SPATA24: variants seen among roughly 807,000 people sequenced by gnomAD.
SPATA24 encodes the protein spermatogenesis associated 24.
SPATA24 carries 21 observed loss-of-function variants against 28.9 expected under a neutral mutation model. The observed-to-expected ratio is 0.73, with a 90% CI of 0.52 to 1.05. The LOEUF (loss-of-function observed/expected upper bound fraction) is 1.05, where lower values mean the gene tolerates loss of function less well. Among genes scored for constraint, SPATA24 ranks in the 50% least tolerant of loss-of-function variants. The pLI is 0.00. For missense variants in SPATA24, 215 were observed against 242.9 expected, an observed-to-expected ratio of 0.88 and a Z score of 0.76; for synonymous variants, 76 against 89.9, an observed-to-expected ratio of 0.85 and a Z score of 0.88.
At chr5:139,397,262 A>G in intron 4 of SPATA24, 119 bp from the exon 5 acceptor site, 3 of 683,780 alleles carry the variant, frequency 4.4e-6, no homozygotes, top group Non-Finnish European at 7.7e-6. Context: ...GTTCTCCATG[A>G]AGAACTGCTA....
downstream of SPATA24, chr5:139,395,505 C>T (rs1031249592): frequency 1.7e-5 from 3 of 171,812 alleles, no homozygotes; most frequent in East Asian, 4.7e-4. Flanking sequence ...ACCTTCAGGC[C>T]AGGAGACTCA....
At chr5:139,403,684 G>A (rs1357668039) in intron 1 of SPATA24, among the ~76,000 whole-genome samples, 1 of 152,202 alleles carries the variant, frequency 6.6e-6, no homozygotes, top group Non-Finnish European at 1.5e-5. Context: ...GGAAACTGAG[G>A]CTCAGGGACT....
chr5:139,393,065 G>C (rs1179383514), downstream of SPATA24: 2 of 1,529,306 alleles, frequency 1.3e-6, no homozygotes, highest in Non-Finnish European at 8.8e-7. Context: ...GGGGCGGGGG[G>C]CCCCAGTGCT....
At chr5:139,393,555 A>AT, downstream of SPATA24, 1 of 1,551,136 alleles carries the variant, frequency 6.4e-7, no homozygotes, top group Non-Finnish European at 8.7e-7. Flanking sequence ...TTCCAATAGG[A>AT]CGATCTGGAG....
chr5:139,392,561 C>A, downstream of SPATA24: 1 of 1,351,328 alleles, frequency 7.4e-7, no homozygotes, highest in Non-Finnish European at 9.5e-7. The surrounding 1 kb of genome is among the most constrained non-coding windows in gnomAD (Gnocchi z 5.8). Flanking sequence ...CCCGCCAACG[C>A]CAGGGGCTCC....
downstream of SPATA24, chr5:139,395,155 G>A (rs999832354): frequency 2.3e-6 from 3 of 1,321,172 alleles, no homozygotes; most frequent in African/African-American, 3.1e-5. Flanking sequence ...TCCCCGCCCC[G>A]CCCGAGGATG....
At chr5:139,394,373 G>C, downstream of SPATA24, 2 of 1,409,678 alleles carry the variant, frequency 1.4e-6, no homozygotes, top group South Asian at 3.1e-5. Context: ...GACTCGTCCA[G>C]GGAACCGGTG....
At chr5:139,394,568 C>G, downstream of SPATA24, 2 of 1,523,928 alleles carry the variant, frequency 1.3e-6, no homozygotes, top group Non-Finnish European at 1.8e-6. Context: ...GGCCGCAGCT[C>G]TAGGTAGGTG....
downstream of SPATA24, chr5:139,394,381 G>C: frequency 7.1e-7 from 1 of 1,401,078 alleles, no homozygotes; most frequent in South Asian, 1.6e-5. Context: ...CAGGGAACCG[G>C]TGCGCAGGAG....
chr5:139,395,365 T>C (rs1280926384), downstream of SPATA24: 3 of 363,094 alleles, frequency 8.3e-6, no homozygotes, highest in Non-Finnish European at 9.8e-6. Flanking sequence ...CAGGCCCAAC[T>C]TTCAAAGCCT....
chr5:139,400,281 T>G (rs541647988), intron 4 of SPATA24, among the ~76,000 whole-genome samples: 39 of 151,270 alleles, frequency 2.6e-4, no homozygotes, highest in Non-Finnish European at 4.1e-4. Flanking sequence ...AAGCAGATGT[T>G]GTGCCTGGAA....
chr5:139,397,025 G>C lies in SPATA24; in HGVS notation c.488+16C>G, dbSNP rs1037416150. On this transcript the variant is annotated intron_variant, in intron 5 of 5. Transcript: ENST00000450845. ...CAGTGTCATCAACAACCCCCAGCCGGGCCCAGACCCCTCACCTGAAGATCT... is the reference window on the plus strand; with the variant it reads ...CAGTGTCATCAACAACCCCCAGCCGCGCCCAGACCCCTCACCTGAAGATCT... The C allele has an allele frequency of 4.3e-5, 66 of 1,551,498 alleles. No individual in the cohort carries two copies. The highest frequency in any genetic ancestry group is 5.4e-5 in the Non-Finnish European group (62 of 1,146,966).
Position 139,401,939 on chromosome 5 carries a change from T to G in SPATA24, c.290A>C (p.Lys97Thr). 6.4e-7 allele frequency: 1 copy of G among 1,551,846 alleles called. No individual in the cohort carries two copies. Residue 97 changes from lysine to threonine, a missense_variant, in exon 3 of 6, where the codon AAA becomes ACA. Coordinates refer to ENST00000450845, the MANE Select transcript of SPATA24 (RefSeq NM_194296.2). ...CGCTTTTTCAAAGGCCAGCTTCTCTTTCTCCAGCTGCTTGGATAGCACCTC... is the reference window on the plus strand; with the variant it reads ...CGCTTTTTCAAAGGCCAGCTTCTCTGTCTCCAGCTGCTTGGATAGCACCTC... ...EVEVLSKQLEKEKLAFEKALS... is the reference protein window; with the variant it reads ...EVEVLSKQLETEKLAFEKALS...
chr5:139,394,150 G>T, downstream of SPATA24: 1 of 1,546,498 alleles, frequency 6.5e-7, no homozygotes, highest in Non-Finnish European at 8.7e-7. Flanking sequence ...CGGCCTCGGG[G>T]CCTTGGCGGG....
chr5:139,393,377 C>A (rs1183786007), downstream of SPATA24: 1 of 1,551,586 alleles, frequency 6.4e-7, no homozygotes. Context: ...TCTGAAATTT[C>A]CCGCGTGGAT....
At position 139,402,713 on chromosome 5, in the gene SPATA24, AG is replaced by A; in HGVS notation, c.118-21del. 6 of 1,550,804 alleles carry A rather than the reference AG, an allele frequency of 3.9e-6. No individual in the cohort carries two copies. Among genetic ancestry groups the A allele is most frequent in the Non-Finnish European group, 5.2e-6 (6 of 1,146,122 alleles). On this transcript the variant is annotated intron_variant, in intron 1 of 5. Transcript: ENST00000450845. ...AACCATCTGCAACAGAGCCTGGCTGAGGGAGGGCCTGGGGCTGGAGTAGAAG... is the reference window on the plus strand; with the variant it reads ...AACCATCTGCAACAGAGCCTGGCTGAGGAGGGCCTGGGGCTGGAGTAGAAG...
downstream of SPATA24, chr5:139,392,779 A>C (rs765433997): frequency 2.4e-5 from 35 of 1,442,402 alleles, no homozygotes; most frequent in Non-Finnish European, 2.9e-5. This position sits in a 1 kb window ranked among gnomAD's most constrained non-coding sequence, Gnocchi z 5.8. Flanking sequence ...GTCGGGGACC[A>C]GGCGCTGGGC....
downstream of SPATA24, chr5:139,395,091 G>A (rs889615051): frequency 2.7e-5 from 38 of 1,395,660 alleles, no homozygotes; most frequent in African/African-American, 5.7e-4. Context: ...TGGTGGGGCC[G>A]GACGCCGTGC....
downstream of SPATA24, chr5:139,392,809 C>T (rs2152076564): frequency 2.7e-6 from 4 of 1,507,682 alleles, no homozygotes; most frequent in South Asian, 3.8e-5. The surrounding 1 kb of genome is among the most constrained non-coding windows in gnomAD (Gnocchi z 5.8). Flanking sequence ...CCTGTTCTCT[C>T]CTCCAGGGCC....
Sources: gnomAD v4.1 joint callset for allele counts (sites outside exome capture counted in the v4.1 genomes callset) on GRCh38, gnomAD v4.1.1 for gene constraint, Gnocchi (gnomAD v3.1) non-coding constraint, MANE v1.5 for transcripts, NCBI Gene and HGNC (gene_info 2026-07-23, HGNC 2026-07-21) for gene names.